Variants in LRRC63 observed in about 807,000 individuals in gnomAD.
LRRC63 encodes the protein leucine rich repeat containing 63.
A neutral mutation model predicts 49.5 loss-of-function variants in LRRC63; 40 were observed. The observed-to-expected ratio is 0.81, with a 90% CI of 0.63 to 1.05. The LOEUF is 1.05. Among genes scored for constraint, LRRC63 ranks in the 50% least tolerant of loss-of-function variants. The probability of loss-of-function intolerance (pLI) is 0.00; values close to 1 mark genes in which losing one functional copy is unlikely to be tolerated. For missense variants in LRRC63, 636 were observed against 663.1 expected (o/e 0.96, Z 0.45); for synonymous variants, 191 against 221.1 (o/e 0.86, Z 1.21).
chr13:46,235,745 A>G (rs540797602), intron 5 of LRRC63, among the ~76,000 whole-genome samples: 2 of 152,218 alleles, frequency 1.3e-5, no homozygotes, highest in Non-Finnish European at 2.9e-5. Context: ...TAAAAAGCCA[A>G]TCATCATGCT....
In LRRC63 at chr13:46,261,374, A is replaced by G. The variant is rs185014251; in HGVS notation, c.1227-535A>G. Among the ~76,000 whole-genome samples the G allele has an allele frequency of 2.6e-3, 393 of 152,222 alleles. 5 individuals are homozygous for G. Among genetic ancestry groups the G allele is most frequent in the African/African-American group, 8.8e-3 (367 of 41,534 alleles). The stretch of plus-strand genomic sequence containing the variant: ...AGGGTGAGCCCCAAATTCAATGGCT[A>G]TTGTCCCTATAAGAAAGGCATGTGA... On this transcript the variant is annotated intron_variant, in intron 7 of 9. Coordinates refer to ENST00000595396, the Ensembl canonical transcript of LRRC63.
At chr13:46,274,326 A>T (rs2047802002) in intron 9 of LRRC63, among the ~76,000 whole-genome samples, 2 of 152,122 alleles carry the variant, frequency 1.3e-5, no homozygotes, top group Non-Finnish European at 2.9e-5. Context: ...TGAGGGAGGG[A>T]TTTGTCACCC....
At chr13:46,252,086 A>G (rs552629417) in intron 7 of LRRC63, among the ~76,000 whole-genome samples, 4 of 152,102 alleles carry the variant, frequency 2.6e-5, no homozygotes, top group Non-Finnish European at 1.5e-5. Flanking sequence ...AATGAAAAAC[A>G]TAATGGGGAA....
intron 7 of LRRC63, among the ~76,000 whole-genome samples, chr13:46,255,064 C>T (rs977366013): frequency 1.1e-4 from 17 of 152,236 alleles, no homozygotes; most frequent in African/African-American, 3.9e-4. Flanking sequence ...TATATACATA[C>T]ATAGAACATT....
chr13:46,236,541 A>G (rs1376516037), intron 5 of LRRC63, among the ~76,000 whole-genome samples: 1 of 152,154 alleles, frequency 6.6e-6, no homozygotes, highest in African/African-American at 2.4e-5. Context: ...CTGAAAGAAA[A>G]GCAATCTGTC....
intron 9 of LRRC63, chr13:46,270,148 C>T (rs1172720971): frequency 2.8e-6 from 2 of 722,640 alleles, no homozygotes; most frequent in East Asian, 5.0e-5. Flanking sequence ...CTCGCTGGTA[C>T]AAAGCAGATG....
chr13:46,266,725 A>T lies in LRRC63; in HGVS notation c.1311-8A>T. On this transcript the variant is annotated splice_region_variant and splice_polypyrimidine_tract_variant and intron_variant, in intron 8 of 9. Coordinates refer to ENST00000595396, the Ensembl canonical transcript of LRRC63. ...TACCTTTTAAAGTGTGGTTTCCTTTATTTACAGATCACTTGAAAAACTGAC... is the reference window on the plus strand; with the variant it reads ...TACCTTTTAAAGTGTGGTTTCCTTTTTTTACAGATCACTTGAAAAACTGAC... The T allele has an allele frequency of 2.0e-6, 3 of 1,529,736 alleles. No homozygotes were observed. Among genetic ancestry groups the T allele is most frequent in the Non-Finnish European group, 2.6e-6 (3 of 1,139,572 alleles). 94.8% of individuals were successfully genotyped at this position (1,529,736 alleles called of 1,614,324 possible). A position where few individuals can be genotyped will look rare whatever the true frequency, so the allele number is the denominator to read the frequency against.
intron 2 of LRRC63, among the ~76,000 whole-genome samples, chr13:46,221,923 T>A (rs1274666804): frequency 6.6e-6 from 1 of 152,192 alleles, no homozygotes; most frequent in Non-Finnish European, 1.5e-5. Context: ...AGGCTGAGAT[T>A]GTACTGGGAG....
At chr13:46,224,014 A>G (rs2046495265) in intron 2 of LRRC63, among the ~76,000 whole-genome samples, 2 of 152,226 alleles carry the variant, frequency 1.3e-5, no homozygotes, top group South Asian at 4.1e-4. Flanking sequence ...CAGTCTCACT[A>G]TAATGTGCCA....
intron 7 of LRRC63, among the ~76,000 whole-genome samples, chr13:46,257,358 A>G (rs1051637324): frequency 8.6e-5 from 13 of 152,040 alleles, no homozygotes; most frequent in African/African-American, 2.9e-4. Context: ...AGACCTTTGC[A>G]GACTTCTGAC....
chr13:46,217,218 G>T (rs551145935), intron 2 of LRRC63, among the ~76,000 whole-genome samples: 3 of 152,134 alleles, frequency 2.0e-5, no homozygotes, highest in Non-Finnish European at 4.4e-5. Context: ...GGTAGAATTC[G>T]GCTGTGAATC....
chr13:46,219,369 A>G (rs1341059502), intron 2 of LRRC63, among the ~76,000 whole-genome samples: 5 of 152,198 alleles, frequency 3.3e-5, no homozygotes, highest in African/African-American at 9.7e-5. Context: ...AGTCTCTGAT[A>G]TCCTTTCTTC....
At chr13:46,223,105 A>C (rs1366920336) in intron 2 of LRRC63, among the ~76,000 whole-genome samples, 2 of 151,328 alleles carry the variant, frequency 1.3e-5, no homozygotes, top group African/African-American at 4.9e-5. Flanking sequence ...AGATATACCT[A>C]ATGCTAAATG....
chr13:46,249,897 AT>A (rs1274451517), intron 6 of LRRC63: 1 of 152,092 alleles, frequency 6.6e-6, no homozygotes, highest in Non-Finnish European at 1.5e-5. Flanking sequence ...GGTTTACTCT[AT>A]TTTTTAAATT....
intron 7 of LRRC63, among the ~76,000 whole-genome samples, chr13:46,256,445 A>G (rs562811139): frequency 6.6e-6 from 1 of 152,306 alleles, no homozygotes; most frequent in East Asian, 1.9e-4. Context: ...GAGGGCAGAA[A>G]CTGGAAAGCA....
intron 9 of LRRC63, among the ~76,000 whole-genome samples, chr13:46,268,023 TG>T (rs2047705699): frequency 6.6e-6 from 1 of 152,102 alleles, no homozygotes; most frequent in Non-Finnish European, 1.5e-5. Context: ...TACATTCAAA[TG>T]AATATTAGCT....
intron 9 of LRRC63, among the ~76,000 whole-genome samples, chr13:46,268,847 A>G (rs1016788647): frequency 1.3e-5 from 2 of 148,538 alleles, no homozygotes; most frequent in African/African-American, 5.3e-5. Flanking sequence ...TGTCTATGAT[A>G]TGGGGTTTAA....
chr13:46,245,902 T>C lies in LRRC63; in HGVS notation c.991-625T>C, dbSNP rs1279193332. Among the ~76,000 whole-genome samples, 3 of 152,222 alleles carry C rather than the reference T, an allele frequency of 2.0e-5. No homozygotes were observed. In the East Asian group the frequency reaches 5.8e-4, roughly 29 times the overall value. ...TGTCACACGTGTAATACTACACTTA[T>C]CACATACAGAAATACTTAGTCTGAT... is the stretch of plus-strand genomic sequence containing the variant. On this transcript the variant is annotated intron_variant, in intron 5 of 9. Coordinates refer to ENST00000595396, the Ensembl canonical transcript of LRRC63.
intron 2 of LRRC63, among the ~76,000 whole-genome samples, chr13:46,223,363 C>T (rs983586260): frequency 2.0e-5 from 3 of 151,932 alleles, no homozygotes; most frequent in East Asian, 3.9e-4. Flanking sequence ...TTTCTTGTAG[C>T]GTCACTCTTG....
Sources: allele counts gnomAD v4.1 joint callset (sites outside exome capture counted in the v4.1 genomes callset), GRCh38; gene constraint gnomAD v4.1.1; transcripts MANE v1.5; gene names NCBI Gene and HGNC (gene_info 2026-07-23, HGNC 2026-07-21).